NCKAP5: variants seen among roughly 807,000 people sequenced by gnomAD.
The protein encoded by NCKAP5 is NCK associated protein 5, also known as nck-associated protein 5.
A neutral mutation model predicts 167.0 loss-of-function variants in NCKAP5; 92 were observed. The observed-to-expected ratio is 0.55, with a 90% CI of 0.47 to 0.66. NCKAP5 has a LOEUF of 0.66. NCKAP5 is among the 30% of genes least tolerant of loss of function. The pLI, the probability that NCKAP5 is intolerant of heterozygous loss-of-function variation, is 0.00. For synonymous variants in NCKAP5, 891 were observed against 877.4 expected, an observed-to-expected ratio of 1.02 and a Z score of -0.27; for missense variants, 2,378 against 2,315.0, an observed-to-expected ratio of 1.03 and a Z score of -0.56.
intron 3 of NCKAP5, among the ~76,000 whole-genome samples, chr2:133,419,848 T>C (rs13412956): frequency 0.21 from 32,618 of 152,154 alleles, 3,573 homozygotes; most frequent in African/African-American, 0.24. Flanking sequence ...ATGACATACC[T>C]CTGATCCTGT....
intron 3 of NCKAP5, among the ~76,000 whole-genome samples, chr2:133,407,280 T>C (rs1688499215): frequency 6.6e-6 from 1 of 152,252 alleles, no homozygotes; most frequent in South Asian, 2.1e-4. Flanking sequence ...AGAACTATGT[T>C]GTTTTCCTTG....
At chr2:132,936,952 G>A (rs1482295127) in intron 8 of NCKAP5, among the ~76,000 whole-genome samples, 1 of 152,136 alleles carries the variant, frequency 6.6e-6, no homozygotes, top group Non-Finnish European at 1.5e-5. Flanking sequence ...TAATAGTGAT[G>A]ATGTGAAAAA....
intron 3 of NCKAP5, among the ~76,000 whole-genome samples, chr2:133,466,771 A>C (rs1279451373): frequency 6.6e-6 from 1 of 151,932 alleles, no homozygotes; most frequent in Admixed American, 6.6e-5. Flanking sequence ...TCTTTGAAGC[A>C]ATTGTGAATG....
chr2:133,040,449 C>CAT (rs998722700), intron 6 of NCKAP5, among the ~76,000 whole-genome samples: 4 of 152,150 alleles, frequency 2.6e-5, no homozygotes, highest in Non-Finnish European at 5.9e-5. Flanking sequence ...AGAGACATGG[C>CAT]ATTATCTGAC....
At chr2:133,226,952 T>A (rs1179638604) in intron 4 of NCKAP5, among the ~76,000 whole-genome samples, 1 of 152,212 alleles carries the variant, frequency 6.6e-6, no homozygotes, top group Non-Finnish European at 1.5e-5. Flanking sequence ...TATACAAATA[T>A]ACATATACAC....
chr2:133,146,066 T>C (rs2083184797), intron 5 of NCKAP5, among the ~76,000 whole-genome samples: 1 of 151,990 alleles, frequency 6.6e-6, no homozygotes, highest in Non-Finnish European at 1.5e-5. Context: ...TCTCTTGTGA[T>C]GAAGTTATTA....
At chr2:133,114,767 G>C (rs916835496) in intron 6 of NCKAP5, among the ~76,000 whole-genome samples, 4 of 152,058 alleles carry the variant, frequency 2.6e-5, no homozygotes, top group African/African-American at 9.7e-5. Context: ...GCAGAACCTA[G>C]TCTTATAGTG....
chr2:133,545,600 C>T (rs765496836), intron 2 of NCKAP5, among the ~76,000 whole-genome samples: 6 of 152,076 alleles, frequency 3.9e-5, no homozygotes, highest in African/African-American at 9.7e-5. Flanking sequence ...CAGTGGTTAC[C>T]GCACCTAGCA....
intron 2 of NCKAP5, among the ~76,000 whole-genome samples, chr2:133,519,226 T>A (rs1294958678): frequency 6.6e-6 from 1 of 152,220 alleles, no homozygotes; most frequent in East Asian, 1.9e-4. Context: ...TCCATCTTAG[T>A]CATTTTATCT....
intron 7 of NCKAP5, among the ~76,000 whole-genome samples, 158 bp downstream of exon 7, chr2:132,993,994 G>A (rs975774271): frequency 1.3e-5 from 2 of 152,194 alleles, no homozygotes; most frequent in African/African-American, 4.8e-5. Context: ...TTGAATAAAC[G>A]TGTATGATTC....
chr2:133,218,953 A>G (rs1244126024), intron 4 of NCKAP5, among the ~76,000 whole-genome samples: 2 of 152,224 alleles, frequency 1.3e-5, no homozygotes, highest in Non-Finnish European at 2.9e-5. Flanking sequence ...CTATATTAAT[A>G]AATCATGAAA....
intron 7 of NCKAP5, among the ~76,000 whole-genome samples, chr2:132,978,020 G>A (rs1213825748): frequency 6.6e-6 from 1 of 152,206 alleles, no homozygotes; most frequent in African/African-American, 2.4e-5. Flanking sequence ...GCTACTTGGC[G>A]AAGACAGCTG....
chr2:133,040,359 C>T (rs1184854716), intron 6 of NCKAP5, among the ~76,000 whole-genome samples: 2 of 152,238 alleles, frequency 1.3e-5, no homozygotes, highest in East Asian at 3.9e-4. Context: ...TAATACTTCT[C>T]TAGTATTTCT....
At chr2:132,971,056 G>A (rs1294382312) in intron 7 of NCKAP5, among the ~76,000 whole-genome samples, 4 of 152,176 alleles carry the variant, frequency 2.6e-5, no homozygotes, top group Admixed American at 6.5e-5. Flanking sequence ...CATGCTAGGC[G>A]CTGAGGAATA....
At chr2:133,473,576 A>G (rs1679556858) in intron 3 of NCKAP5, among the ~76,000 whole-genome samples, 1 of 152,192 alleles carries the variant, frequency 6.6e-6, no homozygotes, top group Non-Finnish European at 1.5e-5. Flanking sequence ...TTTGAAAACC[A>G]CTGTTCTATA....
chr2:133,060,553 GCCGTC>G (rs1241714793), intron 6 of NCKAP5, among the ~76,000 whole-genome samples: 1 of 152,130 alleles, frequency 6.6e-6, no homozygotes, highest in Admixed American at 6.6e-5. Flanking sequence ...CCGTTTTCTA[GCCGTC>G]CCTGAAATCC....
At chr2:133,592,237 T>A in the NCKAP5 span, among the ~76,000 whole-genome samples, 1 of 152,204 alleles carries the variant, frequency 6.6e-6, no homozygotes, top group Admixed American at 6.5e-5. Context: ...AGTCTCTTGA[T>A]TGTGCAAACC....
chr2:132,713,100 G>T (rs1254882226), intron 19 of NCKAP5, among the ~76,000 whole-genome samples: 1 of 113,252 alleles, frequency 8.8e-6, no homozygotes, highest in African/African-American at 3.6e-5. Context: ...TCCCTTTTGC[G>T]TAAGAAATGT....
intron 3 of NCKAP5, among the ~76,000 whole-genome samples, chr2:133,515,380 G>C (rs1271485325): frequency 6.6e-6 from 1 of 152,150 alleles, no homozygotes; most frequent in Non-Finnish European, 1.5e-5. Context: ...TGATAGGAAA[G>C]GACATCCTTT....
Sources: gnomAD v4.1 joint callset for allele counts (sites outside exome capture counted in the v4.1 genomes callset) on GRCh38, gnomAD v4.1.1 for gene constraint, MANE v1.5 for transcripts, NCBI Gene and HGNC (gene_info 2026-07-23, HGNC 2026-07-21) for gene names.